Variants in PLCB1 observed in about 807,000 individuals in gnomAD.
The protein encoded by PLCB1 is phospholipase C beta 1, also known as 1-phosphatidylinositol 4,5-bisphosphate phosphodiesterase beta-1.
Under a neutral mutation model 161.8 loss-of-function variants are expected in PLCB1, and 46 were observed. The ratio of observed to expected loss-of-function variants is 0.28; its 90% CI spans 0.22 to 0.36. The LOEUF is 0.36. Ranked by LOEUF, PLCB1 falls within the 10% of genes least tolerant of loss-of-function variation. The pLI is 1.00. For missense variants in PLCB1, 1,016 were observed against 1,472.5 expected (o/e 0.69, Z 5.07); for synonymous variants, 517 against 503.7 (o/e 1.03, Z -0.35).
intron 4 of PLCB1, among the ~76,000 whole-genome samples, chr20:8,634,970 A>C (rs746085976): frequency 6.6e-6 from 1 of 152,170 alleles, no homozygotes; most frequent in Non-Finnish European, 1.5e-5. Flanking sequence ...TTGTCCACCA[A>C]GAAAAGTCCT....
chr20:8,659,680 A>G (rs548313989), intron 9 of PLCB1, among the ~76,000 whole-genome samples: 1 of 152,238 alleles, frequency 6.6e-6, no homozygotes, highest in African/African-American at 2.4e-5. Flanking sequence ...GGTCCTCTAA[A>G]TTGAAAATGA....
chr20:8,310,790 A>C (rs533873519), intron 2 of PLCB1, among the ~76,000 whole-genome samples: 3 of 152,280 alleles, frequency 2.0e-5, no homozygotes, highest in Non-Finnish European at 4.4e-5. Context: ...ACCCAAGATT[A>C]ACTCCCACTT....
At chr20:8,738,832 A>G (rs1980718659) in intron 20 of PLCB1, among the ~76,000 whole-genome samples, 1 of 152,234 alleles carries the variant, frequency 6.6e-6, no homozygotes, top group Non-Finnish European at 1.5e-5. Context: ...AAAGTAGCTA[A>G]GTAGAAACTT....
At chr20:8,758,230 T>TA (rs11481234) in intron 24 of PLCB1, among the ~76,000 whole-genome samples, 30,490 of 141,462 alleles carry the variant, frequency 0.22, 3,462 homozygotes, top group South Asian at 0.31. Flanking sequence ...GAAAGAGAAT[T>TA]AAAAAAAAAA....
intron 2 of PLCB1, among the ~76,000 whole-genome samples, chr20:8,247,641 A>AACACAC (rs113727213): frequency 2.8e-4 from 41 of 147,352 alleles, no homozygotes; most frequent in African/African-American, 9.1e-4. Context: ...CATACACGCA[A>AACACAC]ACACACACAC....
At chr20:8,651,353 C>A in intron 7 of PLCB1, 1 of 684,978 alleles carries the variant, frequency 1.5e-6, no homozygotes. Context: ...TCATTAACAA[C>A]TTTGGTGGGT....
intron 27 of PLCB1, among the ~76,000 whole-genome samples, chr20:8,785,052 G>A (rs1007835956): frequency 1.3e-5 from 2 of 152,076 alleles, no homozygotes; most frequent in African/African-American, 4.8e-5. Context: ...GCAATAATAA[G>A]ATATTTACAT....
intron 2 of PLCB1, among the ~76,000 whole-genome samples, chr20:8,185,886 TTC>T (rs2051898735): frequency 1.3e-5 from 2 of 152,276 alleles, no homozygotes; most frequent in South Asian, 2.1e-4. Flanking sequence ...TGAATGAATG[TTC>T]TGTTTCCTAA....
At chr20:8,820,052 A>G (rs1985263611) in intron 31 of PLCB1, among the ~76,000 whole-genome samples, 1 of 148,828 alleles carries the variant, frequency 6.7e-6, no homozygotes, top group Non-Finnish European at 1.5e-5. Context: ...CTAAAATGCC[A>G]TATAAATACT....
At chr20:8,493,285 G>T (rs1252768904) in intron 3 of PLCB1, among the ~76,000 whole-genome samples, 1 of 151,980 alleles carries the variant, frequency 6.6e-6, no homozygotes, top group African/African-American at 2.4e-5. Flanking sequence ...TGAAAAAGTG[G>T]CAAACATGAA....
At chr20:8,828,746 G>T (rs539048912) in intron 31 of PLCB1, among the ~76,000 whole-genome samples, 74 of 152,252 alleles carry the variant, frequency 4.9e-4, no homozygotes, top group African/African-American at 1.7e-3. Flanking sequence ...GATTGTATGG[G>T]GAGTGGGGAG....
chr20:8,286,923 A>T (rs1184835632), intron 2 of PLCB1, among the ~76,000 whole-genome samples: 3 of 152,174 alleles, frequency 2.0e-5, no homozygotes, highest in Non-Finnish European at 4.4e-5. Context: ...AGAAATTATC[A>T]GTGGACTTTT....
chr20:8,645,987 A>C, intron 4 of PLCB1, 115 bp from the exon 5 acceptor site: 1 of 663,944 alleles, frequency 1.5e-6, no homozygotes, highest in Non-Finnish European at 2.7e-6. Context: ...AACAAAACAA[A>C]AAACCTTTGG....
At chr20:8,309,434 A>G (rs1984291409) in intron 2 of PLCB1, among the ~76,000 whole-genome samples, 1 of 152,214 alleles carries the variant, frequency 6.6e-6, no homozygotes, top group South Asian at 2.1e-4. Flanking sequence ...GTTGTTGAAT[A>G]AGAAAACATA....
At chr20:8,251,302 A>G (rs1008599977) in intron 2 of PLCB1, among the ~76,000 whole-genome samples, 5 of 151,960 alleles carry the variant, frequency 3.3e-5, no homozygotes, top group Non-Finnish European at 5.9e-5. Context: ...CAAACATTCA[A>G]GCAACAACAG....
chr20:8,558,285 A>G (rs1254466075), intron 3 of PLCB1, among the ~76,000 whole-genome samples: 1 of 151,930 alleles, frequency 6.6e-6, no homozygotes, highest in African/African-American at 2.4e-5. Context: ...ATAATACATA[A>G]ATATATACAC....
At chr20:8,642,648 CT>C (rs1002290809) in intron 4 of PLCB1, among the ~76,000 whole-genome samples, 9 of 152,078 alleles carry the variant, frequency 5.9e-5, no homozygotes, top group African/African-American at 2.2e-4. Flanking sequence ...ATTAAAATAT[CT>C]TGTTTAAAAT....
chr20:8,725,643 G>A (rs1039667265), intron 16 of PLCB1, among the ~76,000 whole-genome samples: 4 of 152,028 alleles, frequency 2.6e-5, no homozygotes, highest in African/African-American at 9.7e-5. Context: ...TCTCAACATT[G>A]AATTCGATGT....
intron 3 of PLCB1, among the ~76,000 whole-genome samples, chr20:8,523,496 C>CTCTCTCTCTATATATATATATATA: frequency 1.9e-4 from 10 of 51,650 alleles, no homozygotes; most frequent in Non-Finnish European, 3.4e-4. Context: ...CTCTCTCTCT[C>CTCTCTCTCTATATATATATATATA]TATATATATA....
Sources: gnomAD v4.1 joint callset for allele counts (sites outside exome capture counted in the v4.1 genomes callset) on GRCh38, gnomAD v4.1.1 for gene constraint, MANE v1.5 for transcripts, NCBI Gene and HGNC (gene_info 2026-07-23, HGNC 2026-07-21) for gene names.